OSCAR: variants seen among roughly 807,000 people sequenced by gnomAD.
The protein encoded by OSCAR is osteoclast-associated immunoglobulin-like receptor.
Under a neutral mutation model 27.3 loss-of-function variants are expected in OSCAR, and 25 were observed. That is an observed-to-expected ratio of 0.92 (90% CI 0.67 to 1.28). OSCAR has a LOEUF of 1.28. Ranked by LOEUF, OSCAR falls within the 50% of genes most tolerant of loss-of-function variation. The pLI, the probability that OSCAR is intolerant of heterozygous loss-of-function variation, is 0.00. For synonymous variants in OSCAR, 158 were observed against 165.7 expected, an observed-to-expected ratio of 0.95 and a Z score of 0.36; for missense variants, 354 against 355.1, an observed-to-expected ratio of 1.00 and a Z score of 0.03.
Position 54,100,767 on chromosome 19 carries a change from A to ACCAGG in OSCAR, c.25_26insCCTGG (p.Leu9ProfsTer4). ...AAGGGGTGACTCACAGAGGGTCAGC[A>ACCAGG]GCTGGAGGATCAGCACCAGGGCCAT... is the stretch of plus-strand genomic sequence containing the variant. On this transcript the variant is annotated frameshift_variant, in exon 1 of 5. Transcript: ENST00000358375. LOFTEE classifies it high-confidence loss of function. 2 of 1,552,258 alleles carry ACCAGG rather than the reference A, an allele frequency of 1.3e-6. No individual in the cohort carries two copies. Among genetic ancestry groups the ACCAGG allele is most frequent in the Non-Finnish European group, 1.7e-6 (2 of 1,147,212 alleles).
chr19:54,095,479 A>G (rs1434987399), intron 4 of OSCAR, 122 bp from the exon 5 acceptor site: 5 of 1,448,616 alleles, frequency 3.5e-6, no homozygotes, highest in Non-Finnish European at 4.5e-6. Flanking sequence ...CTCAAAGTTG[A>G]GGGGGAGTCG....
At position 54,096,982 on chromosome 19, in the gene OSCAR, A is replaced by G; in HGVS notation, c.253T>C (p.Phe85Leu). The G allele has an allele frequency of 2.5e-6, 4 of 1,614,150 alleles. No individual in the cohort carries two copies. The highest frequency in any genetic ancestry group is 3.4e-6 in the Non-Finnish European group (4 of 1,180,028). The change falls in exon 3 of 5, where the codon TTC becomes CTC. Residue 85 changes from phenylalanine to leucine, a missense_variant. Phe to Leu is a conservative substitution (Grantham distance 22). Transcript: ENST00000358375. ...GCTGGAGTCACCTCCTCCAGAAAGA[A>G]TTCTGCCAGCTCGGAGGACACATCC... ...FRDVSSELAE[F>L]FLEEVTPAQG...
intron 4 of OSCAR, 67 bp from the exon 5 acceptor site, chr19:54,095,424 AG>A (rs1186559176): frequency 6.6e-7 from 1 of 1,512,132 alleles, no homozygotes; most frequent in Non-Finnish European, 8.8e-7. Flanking sequence ...CCTGAACTCC[AG>A]GTTTCCAGCC....
rs1437624225 is a variant in OSCAR, at chr19:54,099,835, C to T, written c.38-55G>A. 2.6e-6 allele frequency: 4 copies of T among 1,568,514 alleles called. No individual in the cohort carries two copies. In the African/African-American group the frequency reaches 4.2e-5, roughly 17 times the overall value. ...TTCCTTTTTTTTTTTTTGTCTGAGG[C>T]AGAGTCTCACTCTGTCGCCCAGGCT... On this transcript the variant is annotated intron_variant, in intron 1 of 4. Transcript: ENST00000358375.
rs1390904357 is a variant in OSCAR at position 54,096,161 on chromosome 19, G to A, written c.374-8C>T. 4.7e-6 allele frequency: 7 copies of A among 1,504,378 alleles called. No homozygotes were observed. The African/African-American group carries it at 5.7e-5, about 12-fold the overall frequency. 93.2% of individuals were successfully genotyped at this position (1,504,378 alleles called of 1,614,324 possible). On this transcript the variant is annotated splice_region_variant and splice_polypyrimidine_tract_variant and intron_variant, in intron 3 of 4. Transcript: ENST00000358375. ...ACGGCCGCGGCAGCTCCTCTGCAGA[G>A]ACGGGGTGAGAGTCCGGGGCCGCGT... is the stretch of plus-strand genomic sequence containing the variant.
intron 2 of OSCAR, among the ~76,000 whole-genome samples, chr19:54,099,244 T>TTTTTTTGTTTTTGTTTTTG (rs2072916650): frequency 4.5e-5 from 6 of 133,194 alleles, no homozygotes; most frequent in Non-Finnish European, 6.4e-5. Flanking sequence ...TTTTTTTTTT[T>TTTTTTTGTTTTTGTTTTTG]TTTTTTTTTA....
rs1228940404 is a variant in OSCAR, at chr19:54,099,229, A to ATTTTTTTT, written c.70+511_70+518dup. Among the ~76,000 whole-genome samples the ATTTTTTTT allele has an allele frequency of 8.5e-4, 70 of 82,420 alleles. 8 individuals are homozygous for ATTTTTTTT. In the East Asian group the frequency reaches 9.9e-3, roughly 12 times the overall value. 54.1% of individuals were successfully genotyped at this position (82,420 alleles called of 152,430 possible). On this transcript the variant is annotated intron_variant, in intron 2 of 4. Transcript: ENST00000358375. ...AGGTGCGTCCCACCACACCCGGCTA[A>ATTTTTTTT]TTTTTTTTTTTTTTTTTTTTTTTTA...
rs778311851 is a variant in OSCAR at position 54,095,247 on chromosome 19, G to A, written c.766C>T (p.Arg256Cys). 3 of 1,610,990 alleles carry A rather than the reference G, an allele frequency of 1.9e-6. No homozygotes were observed. Among genetic ancestry groups the A allele is most frequent in the Admixed American group, 1.7e-5 (1 of 59,590 alleles). Residue 256 changes from arginine (R) to cysteine (C), a missense_variant, in exon 5 of 5, where the codon CGC becomes TGC. Physicochemically the swap from Arg to Cys is radical, Grantham distance 180 (BLOSUM62 -3). Transcript: ENST00000358375. ...LVTFDWRSQN[R>C]APAGIRP ...CAGGGGCGGATACCAGCAGGAGCGC[G>A]GTTCTGACTGCGCCAGTCAAAAGTG...
chr19:54,097,118 CG>C lies in OSCAR; in HGVS notation c.116del (p.Pro39ArgfsTer5). The C allele has an allele frequency of 3.1e-6, 5 of 1,614,176 alleles. No homozygotes were observed. The highest frequency in any genetic ancestry group is 4.2e-6 in the Non-Finnish European group (5 of 1,180,028). ...YHPKPWLGAQ[P>X]ATVVTPGVNV... ...TGACCCCAGGGGTCACAACTGTAGC[CG>C]GCTGAGCTCCCAGCCATGGCTTAGG... On this transcript the variant is annotated frameshift_variant, in exon 3 of 5. Transcript: ENST00000358375. LOFTEE classifies it high-confidence loss of function.
Position 54,095,336 on chromosome 19 carries a change from G to A in OSCAR, c.677C>T (p.Thr226Ile), listed in dbSNP as rs201324161. 2 of 1,569,802 alleles carry A rather than the reference G, an allele frequency of 1.3e-6. No individual in the cohort carries two copies. The highest frequency in any genetic ancestry group is 2.3e-5 in the East Asian group (1 of 42,730). Residue 226 changes from threonine (T) to isoleucine (I), a missense_variant, in exon 5 of 5, where the codon ACC becomes ATC. Physicochemically the swap from Thr to Ile is moderately conservative, Grantham distance 89 (BLOSUM62 -1). Coordinates refer to ENST00000358375, the MANE Select transcript of OSCAR (RefSeq NM_133169.6). The part of the protein sequence containing the change: ...SWEDSGSSDY[T>I]RGNLVRLGLA... ...CCCCAGGCGGACTAGGTTCCCCCGG[G>A]TGTAGTCGGAGGAGCCAGAGTCTGC...
chr19:54,096,738 G>A (rs2072750766), intron 3 of OSCAR, 124 bp downstream of exon 3: 1 of 1,074,502 alleles, frequency 9.3e-7, no homozygotes, highest in African/African-American at 1.6e-5. Context: ...CTCTGTATCT[G>A]TCTTTTCTTG....
Position 54,096,217 on chromosome 19 carries a change from T to TTCCCCTTCTCCTCTGTC in OSCAR, c.374-65_374-64insGACAGAGGAGAAGGGGA, listed in dbSNP as rs2072685725. On this transcript the variant is annotated intron_variant, in intron 3 of 4. Transcript: ENST00000358375. ...TCTTCCGCTCGCTCGCTCGCTCTGT[T>TTCCCCTTCTCCTCTGTC]TCTCCTTCTCCTCTGTCTCTCGCTT... 8 of 1,338,956 alleles carry TTCCCCTTCTCCTCTGTC rather than the reference T, an allele frequency of 6.0e-6. No individual in the cohort carries two copies. In the Admixed American group the frequency reaches 1.1e-4, roughly 18 times the overall value. The allele number at this position is 1,338,956 out of a possible 1,614,324, so 82.9% of individuals were successfully genotyped here.
rs752722355 is a variant in OSCAR, at chr19:54,095,280, C to T, written c.733G>A (p.Ala245Thr). Residue 245 changes from alanine (A) to threonine (T), a missense_variant, in exon 5 of 5, where the codon GCG (alanine) becomes ACG (threonine). Physicochemically the swap from Ala to Thr is moderately conservative, Grantham distance 58 (BLOSUM62 0). Coordinates refer to ENST00000358375, the MANE Select transcript of OSCAR (RefSeq NM_133169.6). ...CTGCGCCAGTCAAAAGTGACCAGCGCGCCCAGGGAGATGAGGACCAGCCCG... is the reference window on the plus strand; with the variant it reads ...CTGCGCCAGTCAAAAGTGACCAGCGTGCCCAGGGAGATGAGGACCAGCCCG... ...LAGLVLISLG[A>T]LVTFDWRSQN... 7 of 1,602,284 alleles carry T rather than the reference C, an allele frequency of 4.4e-6. No individual in the cohort carries two copies. Among genetic ancestry groups the T allele is most frequent in the Middle Eastern group, 1.8e-4 (1 of 5,454 alleles).
rs1467004131 is a variant in OSCAR, at chr19:54,100,704, C to A, written c.37+52G>T. 2.0e-6 allele frequency: 3 copies of A among 1,533,848 alleles called. No individual in the cohort carries two copies. In the African/African-American group the frequency reaches 4.1e-5, roughly 21 times the overall value. On this transcript the variant is annotated intron_variant, in intron 1 of 4. Transcript: ENST00000358375. ...GTGTCTGGGTCTCCATTGCCTCTCT[C>A]TCTGCCCCCAACCCCAGCCAGGAAC...
At chr19:54,095,784 G>C in intron 4 of OSCAR, 88 bp downstream of exon 4, 2 of 1,541,812 alleles carry the variant, frequency 1.3e-6, no homozygotes, top group Non-Finnish European at 1.8e-6. Flanking sequence ...GGAGAGGCTG[G>C]GGGCCTGGGC....
chr19:54,095,716 A>T (rs587625981), intron 4 of OSCAR, 156 bp downstream of exon 4: 1 of 1,264,900 alleles, frequency 7.9e-7, no homozygotes, highest in African/African-American at 1.6e-5. Context: ...GCTGGGTCCC[A>T]GGAATCCTGG....
intron 4 of OSCAR, 160 bp downstream of exon 4, chr19:54,095,712 T>G (rs1347114080): frequency 8.2e-7 from 1 of 1,216,074 alleles, no homozygotes; most frequent in African/African-American, 1.6e-5. Flanking sequence ...AGGGGCTGGG[T>G]CCCAGGAATC....
chr19:54,098,358 A>G (rs1475310899), intron 2 of OSCAR, among the ~76,000 whole-genome samples: 1 of 152,144 alleles, frequency 6.6e-6, no homozygotes, highest in Non-Finnish European at 1.5e-5. Flanking sequence ...TGAGGTCAGG[A>G]GTTCAAGACC....
At position 54,096,127 on chromosome 19, in the gene OSCAR, C is replaced by T; in HGVS notation, c.400G>A (p.Ala134Thr). 1 of 1,525,770 alleles carries T rather than the reference C, an allele frequency of 6.6e-7. No homozygotes were observed. Among genetic ancestry groups the T allele is most frequent in the Non-Finnish European group, 8.7e-7 (1 of 1,143,190 alleles). The allele number at this position is 1,525,770 out of a possible 1,614,324, so 94.5% of individuals were successfully genotyped here. A position where few individuals can be genotyped will look rare whatever the true frequency, so the allele number is the denominator to read the frequency against. The change falls in exon 4 of 5, where the codon GCG becomes ACG. Residue 134 changes from alanine to threonine, a missense_variant. By Grantham distance (58) the Ala-to-Thr change is moderately conservative. Coordinates refer to ENST00000358375, the MANE Select transcript of OSCAR (RefSeq NM_133169.6). ...GGACCCACCACCGGCCCGGGCAGCGCCACCAGCGACGGCCGCGGCAGCTCC... is the reference window on the plus strand; with the variant it reads ...GGACCCACCACCGGCCCGGGCAGCGTCACCAGCGACGGCCGCGGCAGCTCC... ...TEELPRPSLV[A>T]LPGPVVGPGA...
Sources: gnomAD v4.1 joint callset for allele counts (sites outside exome capture counted in the v4.1 genomes callset) on GRCh38, gnomAD v4.1.1 for gene constraint, MANE v1.5 for transcripts, NCBI Gene and HGNC (gene_info 2026-07-23, HGNC 2026-07-21) for gene names.